SEPTIN10: variants seen among roughly 807,000 people sequenced by gnomAD.
The protein encoded by SEPTIN10 is septin 10, also known as septin-10.
SEPTIN10 carries 66 observed loss-of-function variants against 54.8 expected under a neutral mutation model. That is an observed-to-expected ratio of 1.21 (90% CI 0.99 to 1.48). SEPTIN10 has a LOEUF of 1.48. Ranked by LOEUF, SEPTIN10 falls within the 40% of genes most tolerant of loss-of-function variation. The pLI is 0.00. For synonymous variants in SEPTIN10, 161 were observed against 181.0 expected (o/e 0.89, Z 0.89); for missense variants, 620 against 545.6 (o/e 1.14, Z -1.36).
chr2:109,585,244 A>C lies in SEPTIN10; in HGVS notation c.295T>G (p.Phe99Val). Residue 99 changes from phenylalanine (F) to valine (V), a missense_variant, in exon 4 of 11, where the codon TTT (phenylalanine) becomes GTT (valine). Physicochemically the swap from Phe to Val is conservative, Grantham distance 50. Coordinates refer to ENST00000397712, the MANE Select transcript of SEPTIN10 (RefSeq NM_144710.5). ...TNFEDYESSHFCPNVKLKAQT... is the reference protein window; with the variant it reads ...TNFEDYESSHVCPNVKLKAQT... ...GCTTTAAGTTTAACATTTGGGCAAA[A>C]ATGTGAGGATTCATAGTCTTCAAAA... is the stretch of plus-strand genomic sequence containing the variant. The C allele has an allele frequency of 6.2e-7, 1 of 1,613,308 alleles. No individual in the cohort carries two copies. The highest frequency in any genetic ancestry group is 8.5e-7 in the Non-Finnish European group (1 of 1,179,596).
chr2:109,568,497 A>C (rs376063176), intron 5 of SEPTIN10, among the ~76,000 whole-genome samples: 27 of 150,718 alleles, frequency 1.8e-4, no homozygotes, highest in African/African-American at 6.1e-4. Context: ...TCAACCTCCC[A>C]AGTAGCTGGG....
chr2:109,590,811 CT>C, intron 2 of SEPTIN10, among the ~76,000 whole-genome samples: 1 of 152,274 alleles, frequency 6.6e-6, no homozygotes, highest in East Asian at 1.9e-4. Flanking sequence ...CCAGTTCTCC[CT>C]TGCTGGCTTT....
intron 5 of SEPTIN10, among the ~76,000 whole-genome samples, chr2:109,570,688 A>G (rs1341409657): frequency 6.6e-6 from 1 of 151,456 alleles, no homozygotes; most frequent in Non-Finnish European, 1.5e-5. Flanking sequence ...TGCCCAGCTA[A>G]TTTTTTTGTA....
intron 7 of SEPTIN10, among the ~76,000 whole-genome samples, chr2:109,564,975 A>G (rs764014858): frequency 1.3e-5 from 2 of 152,226 alleles, no homozygotes; most frequent in Non-Finnish European, 2.9e-5. Flanking sequence ...CTTCCCTGCT[A>G]TAATTATCAA....
intron 4 of SEPTIN10, among the ~76,000 whole-genome samples, chr2:109,578,349 A>C (rs1268500840): frequency 6.6e-6 from 1 of 152,248 alleles, no homozygotes; most frequent in Non-Finnish European, 1.5e-5. Context: ...AACTACACCA[A>C]ACATACATAG....
At chr2:109,585,684 G>A (rs1327492863) in intron 3 of SEPTIN10, 37 bp downstream of exon 3, 1 of 1,387,148 alleles carries the variant, frequency 7.2e-7, no homozygotes, top group South Asian at 1.2e-5. Flanking sequence ...CAAGGAATAT[G>A]AAGGAACAAC....
chr2:109,601,954 C>T (rs1262346033), intron 1 of SEPTIN10, among the ~76,000 whole-genome samples: 1 of 152,090 alleles, frequency 6.6e-6, no homozygotes, highest in African/African-American at 2.4e-5. Flanking sequence ...TATGGAAATG[C>T]GCTTCCCGAG....
intron 4 of SEPTIN10, among the ~76,000 whole-genome samples, chr2:109,578,587 C>T (rs896958024): frequency 2.6e-5 from 4 of 151,874 alleles, no homozygotes; most frequent in Admixed American, 1.3e-4. Flanking sequence ...GCCAACAGGG[C>T]GAAACCCCAT....
At chr2:109,605,282 C>G (rs977109617) in intron 1 of SEPTIN10, 5 of 152,012 alleles carry the variant, frequency 3.3e-5, no homozygotes, top group African/African-American at 9.7e-5. Context: ...CCAGCCTGCC[C>G]AACATGGTGA....
chr2:109,585,381 G>A (rs1242360978), intron 3 of SEPTIN10, 60 bp from the exon 4 acceptor site: 1 of 1,364,000 alleles, frequency 7.3e-7, no homozygotes, highest in Non-Finnish European at 1.0e-6. Flanking sequence ...AAATACAACT[G>A]TAAATGCCTA....
intron 5 of SEPTIN10, among the ~76,000 whole-genome samples, chr2:109,570,133 C>T (rs1688016012): frequency 6.6e-6 from 1 of 152,134 alleles, no homozygotes; most frequent in Non-Finnish European, 1.5e-5. Context: ...GGTTAACTTC[C>T]TGTCTAGTTT....
At chr2:109,599,605 A>G (rs982187366) in intron 1 of SEPTIN10, among the ~76,000 whole-genome samples, 13 of 152,138 alleles carry the variant, frequency 8.5e-5, no homozygotes, top group Admixed American at 7.2e-4. Flanking sequence ...GTCCAATCCC[A>G]GCAAAATAGC....
chr2:109,584,130 A>C (rs1449411326), intron 4 of SEPTIN10, among the ~76,000 whole-genome samples: 1 of 152,208 alleles, frequency 6.6e-6, no homozygotes, highest in Non-Finnish European at 1.5e-5. Context: ...ATGTACCCCA[A>C]ATCTAAACGA....
intron 8 of SEPTIN10, among the ~76,000 whole-genome samples, chr2:109,561,542 C>T (rs1013237992): frequency 6.6e-6 from 1 of 152,208 alleles, no homozygotes; most frequent in Non-Finnish European, 1.5e-5. Flanking sequence ...TTATTCACTG[C>T]TGACTCCCAA....
chr2:109,613,381 G>C, intron 1 of SEPTIN10: 2 of 328,764 alleles, frequency 6.1e-6, no homozygotes, highest in African/African-American at 4.3e-5. Context: ...CAGGGGAGCC[G>C]GGCTTTCTCC....
Position 109,593,139 on chromosome 2 carries a change from G to A in SEPTIN10, c.31-20C>T, listed in dbSNP as rs866155318. ...AAAGAGCTAAAAAAGGAATACAAAG[G>A]CTTAAAAGGAAACAGAAACATTACT... On this transcript the variant is annotated intron_variant, in intron 1 of 10. Coordinates refer to ENST00000397712, the MANE Select transcript of SEPTIN10 (RefSeq NM_144710.5). 2 of 1,557,460 alleles carry A rather than the reference G, an allele frequency of 1.3e-6. No individual in the cohort carries two copies. Among genetic ancestry groups the A allele is most frequent in the Middle Eastern group, 1.7e-4 (1 of 5,858 alleles).
At chr2:109,567,792 T>C in intron 6 of SEPTIN10, 23 bp downstream of exon 6, 1 of 1,544,554 alleles carries the variant, frequency 6.5e-7, no homozygotes, top group Non-Finnish European at 8.7e-7. Flanking sequence ...GAAAACAGAA[T>C]TAACATTCAA....
chr2:109,552,856 C>G, intron 9 of SEPTIN10: 3 of 433,752 alleles, frequency 6.9e-6, no homozygotes, highest in Non-Finnish European at 1.2e-5. Flanking sequence ...AGAATTTCAA[C>G]GATTAGTGAC....
chr2:109,572,258 G>A (rs943003615), intron 5 of SEPTIN10, among the ~76,000 whole-genome samples: 1 of 152,064 alleles, frequency 6.6e-6, no homozygotes, highest in Non-Finnish European at 1.5e-5. Context: ...AGTCTCCCGA[G>A]TAGCCGGGAC....
Sources: allele counts gnomAD v4.1 joint callset (sites outside exome capture counted in the v4.1 genomes callset), GRCh38; gene constraint gnomAD v4.1.1; transcripts MANE v1.5; gene names NCBI Gene and HGNC (gene_info 2026-07-23, HGNC 2026-07-21).